Variants in CEP83 observed in about 807,000 individuals in gnomAD.
CEP83 encodes centrosomal protein 83.
Under a neutral mutation model 101.9 loss-of-function variants are expected in CEP83, and 70 were observed. The observed-to-expected ratio is 0.69, with a 90% CI of 0.57 to 0.84. The LOEUF (loss-of-function observed/expected upper bound fraction) is 0.84, where lower values mean the gene tolerates loss of function less well. Ranked by LOEUF, CEP83 falls within the 40% of genes least tolerant of loss-of-function variation. The pLI, the probability that CEP83 is intolerant of heterozygous loss-of-function variation, is 0.00. For synonymous variants in CEP83, 264 were observed against 267.9 expected (o/e 0.99, Z 0.14); for missense variants, 715 against 787.2 (o/e 0.91, Z 1.10).
rs145786449 is a variant in CEP83, at chr12:94,405,775, G to C, written c.325-2513C>G. ...GAAAGGATACCTATGCAGTCATGAGGGACTCCCTGAGTTGAGGAGATGAAA... is the reference window on the plus strand; with the variant it reads ...GAAAGGATACCTATGCAGTCATGAGCGACTCCCTGAGTTGAGGAGATGAAA... On this transcript the variant is annotated intron_variant, in intron 4 of 16. Transcript: ENST00000397809. 2.0e-3 allele frequency among the ~76,000 whole-genome samples: 303 copies of C among 152,276 alleles called. 1 individual carries two copies. Among genetic ancestry groups the C allele is most frequent in the African/African-American group, 6.8e-3 (284 of 41,566 alleles).
intron 2 of CEP83, among the ~76,000 whole-genome samples, chr12:94,420,711 C>T (rs1476939768): frequency 6.6e-6 from 1 of 152,044 alleles, no homozygotes; most frequent in Non-Finnish European, 1.5e-5. Flanking sequence ...GCTATAGATA[C>T]TCTATATATA....
At chr12:94,309,348 G>C (rs532317119) in intron 16 of CEP83, among the ~76,000 whole-genome samples, 1 of 152,210 alleles carries the variant, frequency 6.6e-6, no homozygotes, top group South Asian at 2.1e-4. Flanking sequence ...TTCTGAAAAA[G>C]AATCAATCTG....
intron 2 of CEP83, among the ~76,000 whole-genome samples, chr12:94,427,738 T>TA (rs1305037714): frequency 6.6e-6 from 1 of 152,146 alleles, no homozygotes; most frequent in Non-Finnish European, 1.5e-5. Flanking sequence ...TGATGTTTTT[T>TA]AAAAAACAAC....
intron 1 of CEP83, among the ~76,000 whole-genome samples, chr12:94,454,241 G>A (rs542887745): frequency 6.6e-6 from 1 of 152,298 alleles, no homozygotes; most frequent in Admixed American, 6.5e-5. Context: ...ATCAGTTGTA[G>A]AGAAGTCTGT....
the CEP83 span, among the ~76,000 whole-genome samples, chr12:94,274,054 C>T: frequency 4.0e-5 from 6 of 148,628 alleles, no homozygotes; most frequent in South Asian, 2.2e-4. Flanking sequence ...GGTGTGGTGG[C>T]TCACACCTGT....
In CEP83 at chr12:94,412,511, T is replaced by C. The variant is rs369228241; in HGVS notation, c.-21A>G. On this transcript the variant is annotated 5_prime_UTR_variant, in exon 3 of 17. Coordinates refer to ENST00000397809, the MANE Select transcript of CEP83 (RefSeq NM_016122.3). ...ACCATGTAAAAATAAGTTTTGGCTT[T>C]CTTACTGTTTTAGTTTTCTTTCCAA... 1.9e-6 allele frequency: 3 copies of C among 1,606,806 alleles called. No individual in the cohort carries two copies. Among genetic ancestry groups the C allele is most frequent in the Non-Finnish European group, 2.5e-6 (3 of 1,177,156 alleles).
intron 11 of CEP83, among the ~76,000 whole-genome samples, chr12:94,365,553 C>T (rs978785123): frequency 1.3e-5 from 2 of 151,998 alleles, no homozygotes; most frequent in East Asian, 1.9e-4. Flanking sequence ...GCAGATCACC[C>T]GAAGCCAGAA....
intron 6 of CEP83, among the ~76,000 whole-genome samples, chr12:94,390,946 G>C (rs552531081): frequency 1.3e-5 from 2 of 152,012 alleles, no homozygotes. Flanking sequence ...AAAAAGAAAC[G>C]AACAAAGCCT....
intron 2 of CEP83, among the ~76,000 whole-genome samples, chr12:94,433,123 G>A (rs1159429520): frequency 6.6e-6 from 1 of 152,146 alleles, no homozygotes; most frequent in South Asian, 2.1e-4. Flanking sequence ...GTAAGGTAGG[G>A]CCTAGAAGGC....
intron 2 of CEP83, among the ~76,000 whole-genome samples, chr12:94,417,852 A>G (rs955121950): frequency 6.6e-6 from 1 of 152,200 alleles, no homozygotes; most frequent in Non-Finnish European, 1.5e-5. Context: ...TCATATCAAG[A>G]ATGAAGATTT....
At chr12:94,365,281 T>C (rs1389708199) in intron 11 of CEP83, among the ~76,000 whole-genome samples, 2 of 152,154 alleles carry the variant, frequency 1.3e-5, no homozygotes, top group African/African-American at 2.4e-5. Flanking sequence ...ATTTGTAATA[T>C]GAGAAATGCA....
chr12:94,335,822 CA>C (rs1234019577), intron 11 of CEP83, 158 bp from the exon 12 acceptor site: 4 of 599,574 alleles, frequency 6.7e-6, no homozygotes, highest in Non-Finnish European at 8.9e-6. Context: ...TCACGTATAA[CA>C]AAAATGTAAA....
chr12:94,383,182 T>C (rs923241162), intron 6 of CEP83, among the ~76,000 whole-genome samples: 2 of 152,122 alleles, frequency 1.3e-5, no homozygotes, highest in Admixed American at 1.3e-4. Context: ...CTGATATTAA[T>C]ACTGATGCTC....
intron 6 of CEP83, among the ~76,000 whole-genome samples, chr12:94,380,071 CAAAAAAAA>C (rs11362391): frequency 1.9e-4 from 16 of 83,196 alleles, no homozygotes; most frequent in East Asian, 7.1e-4. Context: ...CCCGGCCCTG[CAAAAAAAA>C]AAAAAAAAAA....
At chr12:94,281,095 A>G in the CEP83 span, among the ~76,000 whole-genome samples, 5 of 152,220 alleles carry the variant, frequency 3.3e-5, no homozygotes, top group Admixed American at 1.3e-4. Flanking sequence ...CCTGGCCAAC[A>G]TGGTGAAACT....
intron 11 of CEP83, among the ~76,000 whole-genome samples, chr12:94,342,579 A>G (rs1038310280): frequency 4.6e-5 from 7 of 152,226 alleles, no homozygotes; most frequent in African/African-American, 1.7e-4. Flanking sequence ...ACTGCATGTG[A>G]ATGTACTTAA....
At chr12:94,351,277 G>C (rs1189068684) in intron 11 of CEP83, among the ~76,000 whole-genome samples, 1 of 152,116 alleles carries the variant, frequency 6.6e-6, no homozygotes, top group Non-Finnish European at 1.5e-5. Flanking sequence ...AGTCCTAACA[G>C]GCCCTGAATC....
chr12:94,418,288 G>A (rs2064446193), intron 2 of CEP83, among the ~76,000 whole-genome samples: 1 of 152,190 alleles, frequency 6.6e-6, no homozygotes, highest in African/African-American at 2.4e-5. Context: ...TTGAATCTGG[G>A]AGGCAGAGGC....
chr12:94,365,275 G>C (rs972255226), intron 11 of CEP83, among the ~76,000 whole-genome samples: 4 of 152,124 alleles, frequency 2.6e-5, no homozygotes, highest in African/African-American at 9.7e-5. Flanking sequence ...AATCTCATTT[G>C]TAATATGAGA....
Sources: gnomAD v4.1 joint callset for allele counts (sites outside exome capture counted in the v4.1 genomes callset) on GRCh38, gnomAD v4.1.1 for gene constraint, MANE v1.5 for transcripts, NCBI Gene and HGNC (gene_info 2026-07-23, HGNC 2026-07-21) for gene names.